The following ZNRF3 variants were observed in gnomAD, a reference collection of about 807,000 sequenced individuals.
The protein encoded by ZNRF3 is E3 ubiquitin-protein ligase ZNRF3.
A neutral mutation model predicts 72.5 loss-of-function variants in ZNRF3; 23 were observed. The ratio of observed to expected loss-of-function variants is 0.32; its 90% CI spans 0.23 to 0.45. The LOEUF (loss-of-function observed/expected upper bound fraction) is 0.45, where lower values mean the gene tolerates loss of function less well. Ranked by LOEUF, ZNRF3 falls within the 20% of genes least tolerant of loss-of-function variation. The pLI is 1.00. For synonymous variants in ZNRF3, 610 were observed against 545.3 expected (o/e 1.12, Z -1.65); for missense variants, 1,169 against 1,272.1 (o/e 0.92, Z 1.23).
chr22:29,034,284 G>A (rs2036821702), intron 2 of ZNRF3, among the ~76,000 whole-genome samples: 1 of 152,148 alleles, frequency 6.6e-6, no homozygotes, highest in Non-Finnish European at 1.5e-5. Context: ...CTGTATACTC[G>A]AATGTTTCCA....
intron 2 of ZNRF3, among the ~76,000 whole-genome samples, chr22:29,035,087 G>A (rs57724605): frequency 0.014 from 1,909 of 138,240 alleles, 42 homozygotes; most frequent in African/African-American, 0.049. Flanking sequence ...CAAGTGATCC[G>A]CCCACCTCAG....
At position 28,890,223 on chromosome 22, in the gene ZNRF3, C is replaced by A. The variant is rs572548204; in HGVS notation, c.300+6157C>A. Among the ~76,000 whole-genome samples the A allele has an allele frequency of 9.7e-4, 148 of 152,250 alleles. 1 individual carries two copies. The highest frequency in any genetic ancestry group is 3.4e-3 in the Middle Eastern group (1 of 294). ...TGGGTTGTATGAAAGTGATCTGGCC[C>A]GGTGTGGTGGCTCACGCCTGTAATC... On this transcript the variant is annotated intron_variant, in intron 1 of 8. Coordinates refer to ENST00000544604, the MANE Select transcript of ZNRF3 (RefSeq NM_001206998.2).
intron 1 of ZNRF3, among the ~76,000 whole-genome samples, chr22:28,904,043 C>G (rs1246914152): frequency 1.3e-5 from 2 of 152,088 alleles, no homozygotes; most frequent in African/African-American, 4.8e-5. Flanking sequence ...TGGAATTAAT[C>G]TGGCGTTAGA....
At chr22:28,949,089 C>T (rs2035107315) in intron 1 of ZNRF3, among the ~76,000 whole-genome samples, 1 of 151,348 alleles carries the variant, frequency 6.6e-6, no homozygotes, top group Non-Finnish European at 1.5e-5. Context: ...AATCAATTCT[C>T]TTGCCTCACC....
chr22:28,909,526 C>T (rs2034275477), intron 1 of ZNRF3, among the ~76,000 whole-genome samples: 1 of 151,968 alleles, frequency 6.6e-6, no homozygotes, highest in African/African-American at 2.4e-5. Context: ...TGCTTATCTT[C>T]CTAGAAATGT....
intron 1 of ZNRF3, among the ~76,000 whole-genome samples, chr22:28,902,428 G>A (rs2123753878): frequency 6.6e-6 from 1 of 152,000 alleles, no homozygotes; most frequent in South Asian, 2.1e-4. Context: ...TGTTGCCCAG[G>A]CAGGAGTGCA....
chr22:28,958,024 A>G (rs1351563504), intron 1 of ZNRF3, among the ~76,000 whole-genome samples: 2 of 151,998 alleles, frequency 1.3e-5, no homozygotes, highest in Non-Finnish European at 1.5e-5. Flanking sequence ...CGTCTCTACT[A>G]AAAATACAAA....
chr22:29,020,761 T>TGTGTGTGTGTGTGTG (rs1569284112), intron 2 of ZNRF3, among the ~76,000 whole-genome samples: 3 of 42,928 alleles, frequency 7.0e-5, no homozygotes, highest in African/African-American at 2.3e-4. Context: ...GGGGCTTTGT[T>TGTGTGTGTGTGTGTG]TTTGTGTGTG....
chr22:28,899,709 T>TA (rs1422560385), intron 1 of ZNRF3, among the ~76,000 whole-genome samples: 8 of 150,460 alleles, frequency 5.3e-5, no homozygotes, highest in African/African-American at 1.7e-4. Context: ...TTTTTTTTTT[T>TA]AAGACAGTCT....
chr22:28,898,934 T>TG (rs2123750657), intron 1 of ZNRF3, among the ~76,000 whole-genome samples: 1 of 148,864 alleles, frequency 6.7e-6, no homozygotes, highest in South Asian at 2.1e-4. Flanking sequence ...AGGTTTTTTT[T>TG]TTTTTTTTTT....
chr22:29,050,504 G>A lies in ZNRF3; in HGVS notation c.2323G>A (p.Glu775Lys). 1.9e-6 allele frequency: 3 copies of A among 1,612,712 alleles called. No homozygotes were observed. The highest frequency in any genetic ancestry group is 8.5e-7 in the Non-Finnish European group (1 of 1,179,872). Residue 775 changes from glutamate (E) to lysine (K), a missense_variant, in exon 8 of 9, where the codon GAG (glutamate) becomes AAG (lysine). Glu to Lys is a moderately conservative substitution (Grantham distance 56). Transcript: ENST00000544604. ...GCCCAGGACAGATGGGGTGAAATAC[G>A]AGGGTCTGCCCTGCTGCTTCTATGA... is the stretch of plus-strand genomic sequence containing the variant. ...HLPRTDGVKYEGLPCCFYEEK... is the reference protein window; with the variant it reads ...HLPRTDGVKYKGLPCCFYEEK...
intron 1 of ZNRF3, among the ~76,000 whole-genome samples, chr22:28,970,442 GA>G (rs1157736768): frequency 1.3e-5 from 2 of 152,216 alleles, no homozygotes; most frequent in Non-Finnish European, 2.9e-5. Flanking sequence ...AGTTCCTTCG[GA>G]AAAGTTTGGA....
intron 1 of ZNRF3, among the ~76,000 whole-genome samples, chr22:28,971,148 C>A (rs1218118376): frequency 6.6e-6 from 1 of 151,922 alleles, no homozygotes; most frequent in Non-Finnish European, 1.5e-5. Flanking sequence ...ATGATGGTGC[C>A]ACTGTACCCC....
intron 2 of ZNRF3, among the ~76,000 whole-genome samples, chr22:29,016,013 T>C (rs2036424642): frequency 3.5e-5 from 2 of 57,122 alleles, no homozygotes; most frequent in African/African-American, 1.6e-4. Flanking sequence ...TGAAACTGTC[T>C]CAAAAAAAAA....
rs1246930266 is a variant in ZNRF3, at chr22:29,049,265, G to A, written c.1084G>A (p.Val362Met). The part of the protein sequence containing the change: ...SNLSRGRQQR[V>M]TLPVHYPGRV... ...CCTCTCACGTGGTCGGCAGCAGAGGGTGACCCTGCCGGTGCATTACCCCGG... is the reference window on the plus strand; with the variant it reads ...CCTCTCACGTGGTCGGCAGCAGAGGATGACCCTGCCGGTGCATTACCCCGG... Residue 362 changes from valine (V) to methionine (M), a missense_variant, in exon 8 of 9, where the codon GTG (valine) becomes ATG (methionine). Coordinates refer to ENST00000544604, the MANE Select transcript of ZNRF3 (RefSeq NM_001206998.2). This position sits in a 1 kb window ranked among gnomAD's most constrained non-coding sequence, Gnocchi z 5.2. The A allele has an allele frequency of 6.2e-7, 1 of 1,613,746 alleles. No homozygotes were observed. Among genetic ancestry groups the A allele is most frequent in the Non-Finnish European group, 8.5e-7 (1 of 1,179,930 alleles).
intron 1 of ZNRF3, among the ~76,000 whole-genome samples, chr22:28,949,169 G>T (rs2035108682): frequency 6.6e-6 from 1 of 152,058 alleles, no homozygotes; most frequent in African/African-American, 2.4e-5. Context: ...AGTAGAGACG[G>T]GTTTCACCAT....
chr22:28,918,834 GC>G (rs132545), intron 1 of ZNRF3, among the ~76,000 whole-genome samples: 90,240 of 151,884 alleles, frequency 0.59, 28,413 homozygotes, highest in Non-Finnish European at 0.7. Context: ...AAGCACAGCA[GC>G]CTAAAAGAAC....
intron 1 of ZNRF3, among the ~76,000 whole-genome samples, chr22:28,984,330 C>T (rs1248896647): frequency 6.6e-6 from 1 of 152,128 alleles, no homozygotes; most frequent in Admixed American, 6.5e-5. Flanking sequence ...CCCTGCTGCC[C>T]TTGGCAACCA....
intron 2 of ZNRF3, among the ~76,000 whole-genome samples, chr22:29,033,847 C>A (rs1386088658): frequency 6.6e-6 from 1 of 152,164 alleles, no homozygotes; most frequent in Non-Finnish European, 1.5e-5. Flanking sequence ...CATGGCAAGA[C>A]CCCTTGCACC....
Sources: gnomAD v4.1 joint callset for allele counts (sites outside exome capture counted in the v4.1 genomes callset) on GRCh38, gnomAD v4.1.1 for gene constraint, Gnocchi (gnomAD v3.1) non-coding constraint, MANE v1.5 for transcripts, NCBI Gene and HGNC (gene_info 2026-07-23, HGNC 2026-07-21) for gene names.